The following SLX9 variants were observed in gnomAD, a reference collection of about 807,000 sequenced individuals.
SLX9 encodes the protein ribosome biogenesis protein SLX9 homolog.
A neutral mutation model predicts 20.8 loss-of-function variants in SLX9; 19 were observed. The observed-to-expected ratio is 0.91, with a 90% confidence interval of 0.64 to 1.34. The LOEUF (loss-of-function observed/expected upper bound fraction) is 1.34, where lower values mean the gene tolerates loss of function less well. Ranked by LOEUF, SLX9 falls within the 40% of genes most tolerant of loss-of-function variation. The pLI, the probability that SLX9 is intolerant of heterozygous loss-of-function variation, is 0.00. For synonymous variants in SLX9, 113 were observed against 137.1 expected, an observed-to-expected ratio of 0.82 and a Z score of 1.23; for missense variants, 299 against 322.2, an observed-to-expected ratio of 0.93 and a Z score of 0.55.
Position 44,976,906 on chromosome 21 carries a change from C to T in SLX9, c.*103C>T. 1 of 1,475,604 alleles carries T rather than the reference C, an allele frequency of 6.8e-7. No individual in the cohort carries two copies. Among genetic ancestry groups the T allele is most frequent in the Non-Finnish European group, 9.1e-7 (1 of 1,100,972 alleles). The allele number at this position is 1,475,604 out of a possible 1,614,324, so 91.4% of individuals were successfully genotyped here. On this transcript the variant is annotated 3_prime_UTR_variant, in exon 6 of 6. Coordinates refer to ENST00000291634, the MANE Select transcript of SLX9 (RefSeq NM_058190.4). ...GCCTGAGCCTGGTGGACGCCCTTCCCTCTGGTCGGTTGTGGGGCTCAATAA... is the reference window on the plus strand; with the variant it reads ...GCCTGAGCCTGGTGGACGCCCTTCCTTCTGGTCGGTTGTGGGGCTCAATAA...
chr21:44,965,454 T>C (rs1049673676), intron 3 of SLX9, among the ~76,000 whole-genome samples: 2 of 152,216 alleles, frequency 1.3e-5, no homozygotes, highest in African/African-American at 4.8e-5. Context: ...GAGTGTCTAA[T>C]GTTTTGCCCT....
intron 2 of SLX9, among the ~76,000 whole-genome samples, chr21:44,949,436 C>T (rs560837929): frequency 3.9e-5 from 6 of 152,106 alleles, no homozygotes; most frequent in Non-Finnish European, 8.8e-5. Flanking sequence ...CACCCTCGGC[C>T]GGGTGGACAC....
chr21:44,967,408 T>C (rs1323300909), intron 4 of SLX9, among the ~76,000 whole-genome samples: 3 of 152,158 alleles, frequency 2.0e-5, no homozygotes, highest in Non-Finnish European at 4.4e-5. Context: ...GGCCCACCCT[T>C]GTGAGGAGCC....
chr21:44,949,413 C>T (rs1437718978), intron 2 of SLX9, among the ~76,000 whole-genome samples: 6 of 152,106 alleles, frequency 3.9e-5, no homozygotes, highest in Non-Finnish European at 7.4e-5. Context: ...TAGCCTCCTC[C>T]AGAGGAACCC....
rs746462532 is a variant in SLX9 at position 44,969,290 on chromosome 21, T to G, written c.500+2109T>G. ...GCGGCCGCCCGGAGTGGCGATGTGA[T>G]GACCGAACATTCCTGGTTCTTGGAC... On this transcript the variant is annotated intron_variant, in intron 4 of 5. Transcript: ENST00000291634. The G allele has an allele frequency of 1.3e-4, 60 of 446,146 alleles. No homozygotes were observed. In the Middle Eastern group the frequency reaches 2.1e-3, roughly 16 times the overall value. 27.6% of individuals were successfully genotyped at this position (446,146 alleles called of 1,614,324 possible).
chr21:44,958,288 C>T (rs191419711), intron 2 of SLX9: 108 of 152,580 alleles, frequency 7.1e-4, no homozygotes, highest in African/African-American at 2.4e-3. Context: ...TAGCAGCTCC[C>T]GACACCCTTG....
At chr21:44,972,433 G>A (rs540518098) in intron 4 of SLX9, among the ~76,000 whole-genome samples, 6 of 152,174 alleles carry the variant, frequency 3.9e-5, no homozygotes, top group Non-Finnish European at 7.4e-5. Flanking sequence ...TGGCCCGCCC[G>A]TGCCCTTAGT....
intron 2 of SLX9, among the ~76,000 whole-genome samples, chr21:44,954,663 G>A (rs904170277): frequency 2.6e-5 from 4 of 152,124 alleles, no homozygotes; most frequent in Admixed American, 6.5e-5. Flanking sequence ...GGTGCTCTGC[G>A]TCTCAGTGTC....
At chr21:44,950,809 G>A (rs1312561485) in intron 2 of SLX9, among the ~76,000 whole-genome samples, 1 of 152,172 alleles carries the variant, frequency 6.6e-6, no homozygotes, top group Non-Finnish European at 1.5e-5. Context: ...CCTCCTTGCC[G>A]GCGTCCTCAG....
chr21:44,969,084 C>G, intron 4 of SLX9: 1 of 441,386 alleles, frequency 2.3e-6, no homozygotes, highest in Non-Finnish European at 4.9e-6. Flanking sequence ...AATTTTCTTT[C>G]TCCTACTAAC....
At chr21:44,970,431 G>A (rs2085121911) in intron 4 of SLX9, among the ~76,000 whole-genome samples, 1 of 152,084 alleles carries the variant, frequency 6.6e-6, no homozygotes, top group Non-Finnish European at 1.5e-5. Flanking sequence ...TCCCACTGCC[G>A]AGCACCAACA....
chr21:44,941,057 T>C (rs2084537453), intron 1 of SLX9, among the ~76,000 whole-genome samples: 1 of 152,204 alleles, frequency 6.6e-6, no homozygotes, highest in African/African-American at 2.4e-5. Context: ...CTCCAGAATT[T>C]ATTTACTTTC....
chr21:44,969,042 C>T (rs569139824), intron 4 of SLX9: 30 of 417,814 alleles, frequency 7.2e-5, no homozygotes, highest in African/African-American at 1.8e-4. Flanking sequence ...CGTGAGCCAC[C>T]GCGCCTGGCC....
At chr21:44,959,970 G>T in intron 2 of SLX9, 130 bp from the exon 3 acceptor site, 1 of 776,396 alleles carries the variant, frequency 1.3e-6, no homozygotes, top group Non-Finnish European at 2.2e-6. Context: ...GAGTCTGAGA[G>T]GCTGGCACAG....
intron 4 of SLX9, among the ~76,000 whole-genome samples, chr21:44,970,695 C>A (rs1020617867): frequency 6.6e-6 from 1 of 152,194 alleles, no homozygotes; most frequent in Admixed American, 6.5e-5. Flanking sequence ...GGTCAGCAGG[C>A]GAGCACCAGT....
At chr21:44,943,865 C>G in intron 2 of SLX9, 28 bp downstream of exon 2, 1 of 1,613,736 alleles carries the variant, frequency 6.2e-7, no homozygotes, top group Non-Finnish European at 8.5e-7. Flanking sequence ...GGTTACCATG[C>G]TGATACCCAG....
At chr21:44,965,982 T>C (rs2085027092) in intron 3 of SLX9, among the ~76,000 whole-genome samples, 1 of 152,220 alleles carries the variant, frequency 6.6e-6, no homozygotes, top group Non-Finnish European at 1.5e-5. Flanking sequence ...TTCCCAAGGC[T>C]GTGGAGAGCT....
chr21:44,964,567 A>G (rs954115241), intron 3 of SLX9, among the ~76,000 whole-genome samples: 1 of 151,868 alleles, frequency 6.6e-6, no homozygotes, highest in Non-Finnish European at 1.5e-5. Context: ...GCTCCACCAC[A>G]CAGCCTGTGC....
intron 2 of SLX9, among the ~76,000 whole-genome samples, chr21:44,944,343 A>G (rs960144190): frequency 4.6e-5 from 7 of 152,180 alleles, no homozygotes; most frequent in African/African-American, 1.7e-4. Context: ...TGCTCCTTGC[A>G]GCCCTGCAGC....
Sources: gnomAD v4.1 joint callset for allele counts (sites outside exome capture counted in the v4.1 genomes callset) on GRCh38, gnomAD v4.1.1 for gene constraint, MANE v1.5 for transcripts, NCBI Gene and HGNC (gene_info 2026-07-23, HGNC 2026-07-21) for gene names.